The following GPHN variants were observed in gnomAD, a reference collection of about 807,000 sequenced individuals.
GPHN encodes gephyrin.
In GPHN, 17 loss-of-function variants were observed where a neutral mutation model predicts 95.5. The ratio of observed to expected loss-of-function variants is 0.18; its 90% CI spans 0.12 to 0.27. GPHN has a LOEUF of 0.27. GPHN is among the 10% of genes least tolerant of loss of function. The pLI is 1.00. For synonymous variants in GPHN, 320 were observed against 322.5 expected (o/e 0.99, Z 0.08); for missense variants, 660 against 978.1 (o/e 0.67, Z 4.34).
chr14:67,307,307 TATA>T, the GPHN span, among the ~76,000 whole-genome samples: 23,449 of 152,100 alleles, frequency 0.15, 3,394 homozygotes, highest in East Asian at 0.42. Context: ...TATTCTATAC[TATA>T]ATAATATGTA....
intron 1 of GPHN, among the ~76,000 whole-genome samples, chr14:66,520,636 T>G (rs892276690): frequency 6.6e-6 from 1 of 152,078 alleles, no homozygotes; most frequent in African/African-American, 2.4e-5. Flanking sequence ...AGGGGTAGAT[T>G]GAGAAGTTAT....
At chr14:66,518,188 A>C (rs934764992) in intron 1 of GPHN, among the ~76,000 whole-genome samples, 2 of 152,086 alleles carry the variant, frequency 1.3e-5, no homozygotes. Context: ...AAAAGATGGG[A>C]TATTTCTCAA....
chr14:67,586,488 C>A, the GPHN span: 5 of 1,091,636 alleles, frequency 4.6e-6, no homozygotes, highest in African/African-American at 8.0e-5. Context: ...GTTCTGCTGA[C>A]CCAACATTAG....
the GPHN span, among the ~76,000 whole-genome samples, chr14:67,266,679 C>T: frequency 6.6e-6 from 1 of 152,056 alleles, no homozygotes; most frequent in African/African-American, 2.4e-5. Flanking sequence ...AGCTAAGTTT[C>T]TTCTGCAAAG....
At chr14:66,869,635 G>C (rs548680268) in intron 4 of GPHN, among the ~76,000 whole-genome samples, 2 of 152,242 alleles carry the variant, frequency 1.3e-5, no homozygotes, top group East Asian at 3.9e-4. Flanking sequence ...ACTCTTTGCA[G>C]GTAGTTTCTG....
At chr14:66,873,390 C>T (rs1422023812) in intron 4 of GPHN, among the ~76,000 whole-genome samples, 9 of 152,226 alleles carry the variant, frequency 5.9e-5, no homozygotes, top group South Asian at 4.2e-4. Flanking sequence ...AACCCAGTGG[C>T]GCCTGGAATG....
At chr14:66,920,203 A>G (rs184871933) in intron 6 of GPHN, among the ~76,000 whole-genome samples, 120 of 152,202 alleles carry the variant, frequency 7.9e-4, no homozygotes, top group Non-Finnish European at 1.5e-3. Flanking sequence ...AAGGGCTCCT[A>G]GTTTCTTCAG....
At chr14:67,364,689 G>T in the GPHN span, 1 of 1,376,084 alleles carries the variant, frequency 7.3e-7, no homozygotes, top group Admixed American at 2.6e-5. Flanking sequence ...TTCTTTCAGT[G>T]GCAGGATGTG....
intron 5 of GPHN, among the ~76,000 whole-genome samples, chr14:66,914,428 A>G (rs991060187): frequency 6.6e-6 from 1 of 152,128 alleles, no homozygotes; most frequent in African/African-American, 2.4e-5. Flanking sequence ...CACAAGATGG[A>G]ATGAACTTAC....
intron 1 of GPHN, among the ~76,000 whole-genome samples, chr14:66,585,611 A>G (rs1204031358): frequency 6.6e-6 from 1 of 152,140 alleles, no homozygotes; most frequent in Non-Finnish European, 1.5e-5. Context: ...TTGGTTTCAA[A>G]GAACATCTTT....
chr14:66,903,167 T>C (rs999656910), intron 5 of GPHN, among the ~76,000 whole-genome samples: 1 of 152,158 alleles, frequency 6.6e-6, no homozygotes, highest in African/African-American at 2.4e-5. Flanking sequence ...ATTTTCTGTT[T>C]AGATGACCTG....
intron 1 of GPHN, among the ~76,000 whole-genome samples, chr14:66,535,669 T>G (rs1395475402): frequency 6.6e-6 from 1 of 152,150 alleles, no homozygotes. Flanking sequence ...TGTAGAGGTT[T>G]CGCATATCAT....
At chr14:67,118,760 G>A (rs1183678043) in intron 16 of GPHN, among the ~76,000 whole-genome samples, 5 of 152,068 alleles carry the variant, frequency 3.3e-5, no homozygotes, top group African/African-American at 1.2e-4. Context: ...ATCCCTCCAG[G>A]GGTCGCGGGG....
the GPHN span, among the ~76,000 whole-genome samples, chr14:67,658,496 C>T: frequency 1.3e-5 from 2 of 152,142 alleles, no homozygotes; most frequent in Admixed American, 6.5e-5. Context: ...ACTTGGGAGG[C>T]TGAGGCAGGA....
the GPHN span, among the ~76,000 whole-genome samples, chr14:67,725,437 C>G: frequency 6.6e-6 from 1 of 152,190 alleles, no homozygotes; most frequent in Non-Finnish European, 1.5e-5. Flanking sequence ...TGGGCAGGAT[C>G]CTTATCATCT....
chr14:66,680,206 A>G (rs916722467), intron 1 of GPHN, among the ~76,000 whole-genome samples: 1 of 152,188 alleles, frequency 6.6e-6, no homozygotes, highest in Non-Finnish European at 1.5e-5. Flanking sequence ...TATATACTGT[A>G]AAATTGTTGG....
chr14:67,264,311 A>G, the GPHN span, among the ~76,000 whole-genome samples: 6 of 152,362 alleles, frequency 3.9e-5, no homozygotes, highest in Admixed American at 3.3e-4. Flanking sequence ...TGTTGAGTAC[A>G]TAGTGAGAAT....
At chr14:67,359,902 A>C in the GPHN span, 5 of 597,512 alleles carry the variant, frequency 8.4e-6, no homozygotes, top group African/African-American at 9.5e-5. Context: ...GACAGAACAG[A>C]GGCGTTGCCC....
At position 66,546,391 on chromosome 14, in the gene GPHN, T is replaced by A. The variant is rs1205931622; in HGVS notation, c.64+37800T>A. ...GGTGGCGGCCGGGCAGAGGCTGCAA[T>A]CTCGGCACTTTGGGAGGCCAAGGCA... On this transcript the variant is annotated intron_variant, in intron 1 of 22. Transcript: ENST00000478722. Among the ~76,000 whole-genome samples the A allele has an allele frequency of 3.3e-5, 5 of 151,994 alleles. No homozygotes were observed. In the South Asian group the frequency reaches 8.3e-4, roughly 25 times the overall value.
Sources: allele counts gnomAD v4.1 joint callset (sites outside exome capture counted in the v4.1 genomes callset), GRCh38; gene constraint gnomAD v4.1.1; transcripts MANE v1.5; gene names NCBI Gene and HGNC (gene_info 2026-07-23, HGNC 2026-07-21).